Variants in TNIK observed in about 807,000 individuals in gnomAD.
The protein encoded by TNIK is TRAF2 and NCK-interacting protein kinase.
TNIK carries 49 observed loss-of-function variants against 191.3 expected under a neutral mutation model. That is an observed-to-expected ratio of 0.26 (90% CI 0.20 to 0.32). The LOEUF (loss-of-function observed/expected upper bound fraction) is 0.32. Among genes scored for constraint, TNIK ranks in the 10% least tolerant of loss-of-function variants. The pLI is 1.00. For synonymous variants in TNIK, 594 were observed against 600.9 expected (o/e 0.99, Z 0.17); for missense variants, 1,155 against 1,702.3 (o/e 0.68, Z 5.66).
At chr3:171,318,679 T>A (rs925012395) in intron 2 of TNIK, among the ~76,000 whole-genome samples, 1 of 152,130 alleles carries the variant, frequency 6.6e-6, no homozygotes, top group African/African-American at 2.4e-5. Context: ...ATATCAAAAT[T>A]TTTTTAATTG....
chr3:171,098,370 C>T (rs79970561), intron 22 of TNIK, among the ~76,000 whole-genome samples: 1,525 of 152,222 alleles, frequency 0.01, 23 homozygotes, highest in African/African-American at 0.035. Context: ...AAAAATCTCC[C>T]ATAATTATAT....
chr3:171,440,061 T>G (rs1302515687), intron 1 of TNIK, among the ~76,000 whole-genome samples: 1 of 152,226 alleles, frequency 6.6e-6, no homozygotes, highest in Non-Finnish European at 1.5e-5. Flanking sequence ...TCTCTCCCTC[T>G]GTTTTTATGA....
At chr3:171,112,899 C>T (rs1428947222) in intron 18 of TNIK, among the ~76,000 whole-genome samples, 1 of 152,154 alleles carries the variant, frequency 6.6e-6, no homozygotes, top group African/African-American at 2.4e-5. Context: ...AAACAATAAT[C>T]TCCCTGTACA....
At chr3:171,195,725 T>G (rs1027990580) in intron 4 of TNIK, among the ~76,000 whole-genome samples, 1 of 152,240 alleles carries the variant, frequency 6.6e-6, no homozygotes, top group East Asian at 1.9e-4. Flanking sequence ...CTGACTTGTC[T>G]TCTTATGATT....
chr3:171,286,335 G>T (rs1751010467), intron 2 of TNIK, among the ~76,000 whole-genome samples: 1 of 152,114 alleles, frequency 6.6e-6, no homozygotes, highest in South Asian at 2.1e-4. Context: ...AATTCAATAG[G>T]GAAGGATCTA....
At chr3:171,342,340 T>A (rs572376579) in intron 2 of TNIK, among the ~76,000 whole-genome samples, 56 of 152,204 alleles carry the variant, frequency 3.7e-4, no homozygotes, top group Admixed American at 9.2e-4. Context: ...CTGGTCTAGA[T>A]TAAATTGTGA....
intron 2 of TNIK, among the ~76,000 whole-genome samples, chr3:171,256,750 G>C (rs575472125): frequency 6.6e-6 from 1 of 152,190 alleles, no homozygotes; most frequent in South Asian, 2.1e-4. Flanking sequence ...TTCTGACTTG[G>C]GAGTTTCTTT....
intron 18 of TNIK, among the ~76,000 whole-genome samples, chr3:171,115,397 A>G (rs1726530519): frequency 6.6e-6 from 1 of 152,252 alleles, no homozygotes; most frequent in Non-Finnish European, 1.5e-5. Context: ...TCAAGTTACA[A>G]CACAATCATG....
At chr3:171,457,939 C>T (rs1409477657) in intron 1 of TNIK, among the ~76,000 whole-genome samples, 1 of 152,184 alleles carries the variant, frequency 6.6e-6, no homozygotes, top group Non-Finnish European at 1.5e-5. Flanking sequence ...GCCCAGTGGG[C>T]CCTCACCGGT....
chr3:171,143,157 C>T (rs1010522777), intron 12 of TNIK, among the ~76,000 whole-genome samples: 1 of 152,202 alleles, frequency 6.6e-6, no homozygotes, highest in Admixed American at 6.5e-5. Flanking sequence ...GAGGCATCTG[C>T]CAGGGCTTTG....
chr3:171,120,747 G>A (rs1727615770), intron 18 of TNIK, among the ~76,000 whole-genome samples: 1 of 152,120 alleles, frequency 6.6e-6, no homozygotes, highest in African/African-American at 2.4e-5. Flanking sequence ...TTCCTTCTGG[G>A]TTGAGACACT....
rs991792263 is a variant in TNIK, at chr3:171,392,622, A to G, written c.58-22937T>C. 1.0e-3 allele frequency among the ~76,000 whole-genome samples: 156 copies of G among 152,128 alleles called. 3 individuals are homozygous for G. Among genetic ancestry groups the G allele is most frequent in the Admixed American group, 0.01 (156 of 15,272 alleles). Reference sequence around the variant, plus strand: ...TGGCAAAACCCTGACTCAACTAAAAATACAATAATCAGCAGGGTGTGGTGG... The same window carrying G: ...TGGCAAAACCCTGACTCAACTAAAAGTACAATAATCAGCAGGGTGTGGTGG... On this transcript the variant is annotated intron_variant, in intron 1 of 32. Coordinates refer to ENST00000436636, the MANE Select transcript of TNIK (RefSeq NM_015028.4).
chr3:171,096,568 CCCTGGTGACTTTAG>C (rs1211679230), intron 22 of TNIK, among the ~76,000 whole-genome samples: 2 of 152,120 alleles, frequency 1.3e-5, no homozygotes, highest in African/African-American at 2.4e-5. Context: ...GCTAGAAAAT[CCCTGGTGACTTTAG>C]CCTGCCCTCT....
intron 2 of TNIK, among the ~76,000 whole-genome samples, chr3:171,289,795 G>A (rs1051234854): frequency 3.2e-4 from 48 of 151,874 alleles, no homozygotes; most frequent in African/African-American, 9.0e-4. Context: ...CCAGCTACTC[G>A]GGAGGCTGAG....
At chr3:171,218,950 TAATA>T (rs1015247688) in intron 3 of TNIK, among the ~76,000 whole-genome samples, 121 of 131,172 alleles carry the variant, frequency 9.2e-4, no homozygotes, top group Non-Finnish European at 1.5e-3. Flanking sequence ...ATTTAATATA[TAATA>T]AATATTAAAT....
intron 2 of TNIK, among the ~76,000 whole-genome samples, chr3:171,289,939 C>T (rs541054981): frequency 2.0e-5 from 3 of 151,316 alleles, no homozygotes; most frequent in Admixed American, 6.6e-5. Context: ...AGAAAGGCCT[C>T]GGTTTAGGTC....
intron 1 of TNIK, among the ~76,000 whole-genome samples, chr3:171,428,394 G>GCTC (rs565458094): frequency 2.7e-4 from 41 of 152,314 alleles, no homozygotes; most frequent in African/African-American, 9.1e-4. Flanking sequence ...AAATGGAGCA[G>GCTC]CTCTGTATTG....
At chr3:171,291,289 A>C (rs996656988) in intron 2 of TNIK, among the ~76,000 whole-genome samples, 15 of 152,198 alleles carry the variant, frequency 9.9e-5, no homozygotes, top group African/African-American at 2.7e-4. Context: ...GAGAGGCAAC[A>C]AAATATTTTT....
At chr3:171,244,295 G>A (rs2109052849) in intron 2 of TNIK, among the ~76,000 whole-genome samples, 1 of 152,136 alleles carries the variant, frequency 6.6e-6, no homozygotes, top group South Asian at 2.1e-4. Flanking sequence ...TCGATCTTCT[G>A]ACCTCGTGAT....
Sources: gnomAD v4.1 joint callset for allele counts (sites outside exome capture counted in the v4.1 genomes callset) on GRCh38, gnomAD v4.1.1 for gene constraint, MANE v1.5 for transcripts, NCBI Gene and HGNC (gene_info 2026-07-23, HGNC 2026-07-21) for gene names.